The following ACO2 variants were observed in gnomAD, a reference collection of about 807,000 sequenced individuals.
ACO2 encodes the protein aconitase 2, also known as aconitate hydratase, mitochondrial.
ACO2 carries 31 observed loss-of-function variants against 84.5 expected under a neutral mutation model. The observed-to-expected ratio is 0.37, with a 90% CI of 0.28 to 0.50. The LOEUF is 0.50. Ranked by LOEUF, ACO2 falls within the 20% of genes least tolerant of loss-of-function variation. The pLI, the probability that ACO2 is intolerant of heterozygous loss-of-function variation, is 0.97. For missense variants in ACO2, 685 were observed against 1,029.3 expected (o/e 0.67, Z 4.58); for synonymous variants, 414 against 412.7 (o/e 1.00, Z -0.04).
chr22:41,478,622 T>C (rs2038048186), intron 1 of ACO2, among the ~76,000 whole-genome samples: 1 of 152,166 alleles, frequency 6.6e-6, no homozygotes, highest in Non-Finnish European at 1.5e-5. Flanking sequence ...AATTGAGGCC[T>C]GGTGAGTATT....
intron 1 of ACO2, among the ~76,000 whole-genome samples, chr22:41,473,815 T>C (rs1175233829): frequency 6.6e-6 from 1 of 152,136 alleles, no homozygotes; most frequent in East Asian, 1.9e-4. Flanking sequence ...AGAAGGAGCA[T>C]GTGCAGAGCA....
At chr22:41,520,343 C>CA in intron 9 of ACO2, 67 bp downstream of exon 9, 1 of 1,296,266 alleles carries the variant, frequency 7.7e-7, no homozygotes, top group Non-Finnish European at 1.1e-6. Flanking sequence ...GGGCTGTAGA[C>CA]AATCACCTAT....
chr22:41,526,241 C>CCTCTCTA lies in ACO2; in HGVS notation c.1762-18_1762-12dup, dbSNP rs758197748. Reference sequence around the variant, plus strand: ...TCCAGGGCCATGCCCTGACCTCTGTCCTCTCTACTTACCACCCAAGGTCAA... The same window carrying CCTCTCTA: ...TCCAGGGCCATGCCCTGACCTCTGTCCTCTCTACTCTCTACTTACCACCCAAGGTCAA... On this transcript the variant is annotated intron_variant, in intron 14 of 17. Coordinates refer to ENST00000216254, the MANE Select transcript of ACO2 (RefSeq NM_001098.3). The CCTCTCTA allele has an allele frequency of 6.8e-5, 110 of 1,606,788 alleles. No individual in the cohort carries two copies. The Middle Eastern group carries it at 2.2e-3, about 33-fold the overall frequency.
chr22:41,526,464 G>C lies in ACO2; in HGVS notation c.1953+11G>C. On this transcript the variant is annotated intron_variant, in intron 15 of 17. Transcript: ENST00000216254. ...GCCCGCTACTACAAGGTGGGTCAGAGTTGATAGGGGCAATGCCAGTGGTCA... is the reference window on the plus strand; with the variant it reads ...GCCCGCTACTACAAGGTGGGTCAGACTTGATAGGGGCAATGCCAGTGGTCA... The C allele has an allele frequency of 6.2e-7, 1 of 1,607,260 alleles. No homozygotes were observed. The highest frequency in any genetic ancestry group is 8.5e-7 in the Non-Finnish European group (1 of 1,175,470).
At chr22:41,527,204 T>TGGGTGAGGCCAGGC in intron 15 of ACO2, 84 bp from the exon 16 acceptor site, 1 of 1,597,334 alleles carries the variant, frequency 6.3e-7, no homozygotes. Flanking sequence ...AGGCGCCAGG[T>TGGGTGAGGCCAGGC]GGGTGAGGCC....
At chr22:41,491,372 A>G (rs775202291) in intron 1 of ACO2, among the ~76,000 whole-genome samples, 8 of 152,290 alleles carry the variant, frequency 5.3e-5, no homozygotes, top group East Asian at 1.9e-4. Flanking sequence ...ACAAATTACA[A>G]ATAATCTGGA....
chr22:41,523,201 G>A lies in ACO2; in HGVS notation c.1297-4G>A. 1 of 1,611,050 alleles carries A rather than the reference G, an allele frequency of 6.2e-7. No homozygotes were observed. The highest frequency in any genetic ancestry group is 8.5e-7 in the Non-Finnish European group (1 of 1,178,242). ...GACATTCTGTCTTCCTCTCTCCCTGGCAGGCACAGATCTTGAGGGATCTGG... is the reference window on the plus strand; with the variant it reads ...GACATTCTGTCTTCCTCTCTCCCTGACAGGCACAGATCTTGAGGGATCTGG... On this transcript the variant is annotated splice_polypyrimidine_tract_variant and splice_region_variant and intron_variant, in intron 10 of 17. Transcript: ENST00000216254.
At chr22:41,509,202 A>C (rs1389219607) in intron 3 of ACO2, among the ~76,000 whole-genome samples, 1 of 152,108 alleles carries the variant, frequency 6.6e-6, no homozygotes, top group African/African-American at 2.4e-5. Flanking sequence ...CAGGGCTGCT[A>C]CCTTCTGGGG....
At chr22:41,472,267 C>T (rs1362524553) in intron 1 of ACO2, among the ~76,000 whole-genome samples, 1 of 151,938 alleles carries the variant, frequency 6.6e-6, no homozygotes, top group Non-Finnish European at 1.5e-5. Flanking sequence ...GCAGAAGAAT[C>T]CCTTGAACCC....
chr22:41,524,216 G>A (rs57902769), intron 12 of ACO2, among the ~76,000 whole-genome samples: 5 of 152,180 alleles, frequency 3.3e-5, no homozygotes, highest in African/African-American at 1.2e-4. Flanking sequence ...CCTCTAACTC[G>A]CTGTATGAGT....
intron 3 of ACO2, 56 bp from the exon 4 acceptor site, chr22:41,511,820 G>A: frequency 1.4e-6 from 2 of 1,392,226 alleles, no homozygotes; most frequent in South Asian, 2.6e-5. Context: ...GCTTGGTGAG[G>A]GTCACCTGGA....
At chr22:41,489,523 T>G (rs772638119) in intron 1 of ACO2, among the ~76,000 whole-genome samples, 1 of 152,202 alleles carries the variant, frequency 6.6e-6, no homozygotes, top group African/African-American at 2.4e-5. Flanking sequence ...CAGCACTTTC[T>G]TCCCCATGAC....
chr22:41,503,108 A>T (rs1483394771), intron 2 of ACO2, among the ~76,000 whole-genome samples: 1 of 152,206 alleles, frequency 6.6e-6, no homozygotes, highest in African/African-American at 2.4e-5. Flanking sequence ...TTTGCATTAA[A>T]CAATTAATAA....
chr22:41,476,783 G>A (rs907014141), intron 1 of ACO2, among the ~76,000 whole-genome samples: 20 of 152,138 alleles, frequency 1.3e-4, no homozygotes, highest in African/African-American at 4.3e-4. Flanking sequence ...TTAGGAATAG[G>A]CCATTTCTAA....
chr22:41,523,326 A>G lies in ACO2; in HGVS notation c.1370+48A>G, dbSNP rs12484694. The G allele has an allele frequency of 0.21, 305,558 of 1,458,664 alleles. 36,637 individuals carry two copies. The highest frequency in any genetic ancestry group is 0.5 in the Admixed American group (25,991 of 52,196). The allele number at this position is 1,458,664 out of a possible 1,614,324, so 90.4% of individuals were successfully genotyped here. ...AGACAGCCCCTTGTGCACAGGGTAC[A>G]GAGCCCCAGAAGTTGGAGGGGGAAT... On this transcript the variant is annotated intron_variant, in intron 11 of 17. Transcript: ENST00000216254.
intron 7 of ACO2, among the ~76,000 whole-genome samples, chr22:41,517,920 C>G (rs1335934445): frequency 5.3e-5 from 8 of 152,230 alleles, no homozygotes; most frequent in Admixed American, 5.2e-4. Context: ...CCTTCTCGGC[C>G]TGGTCCCTGC....
Position 41,528,176 on chromosome 22 carries a change from G to A in ACO2, c.2208+154G>A, listed in dbSNP as rs1475242980. The A allele has an allele frequency of 6.5e-6, 8 of 1,237,834 alleles. No homozygotes were observed. In the East Asian group the frequency reaches 7.2e-5, roughly 11 times the overall value. 76.7% of individuals were successfully genotyped at this position (1,237,834 alleles called of 1,614,324 possible). On this transcript the variant is annotated intron_variant, in intron 17 of 17. Transcript: ENST00000216254. ...GGTGGCCCCACAGAGAAAGCAAAGT[G>A]GCTTCTCAGAGTTGGGGGTTGGAGT... is the stretch of plus-strand genomic sequence containing the variant.
intron 9 of ACO2, chr22:41,521,584 G>C (rs1184444979): frequency 6.6e-6 from 1 of 152,214 alleles, no homozygotes; most frequent in Non-Finnish European, 1.5e-5. Flanking sequence ...GTCTGGAGAA[G>C]TGACAATATG....
chr22:41,471,988 C>T (rs2037951575), intron 1 of ACO2, among the ~76,000 whole-genome samples: 1 of 152,186 alleles, frequency 6.6e-6, no homozygotes, highest in Admixed American at 6.5e-5. Flanking sequence ...AATAGTATGT[C>T]TGTTTCAATC....
Sources: allele counts gnomAD v4.1 joint callset (sites outside exome capture counted in the v4.1 genomes callset), GRCh38; gene constraint gnomAD v4.1.1; transcripts MANE v1.5; gene names NCBI Gene and HGNC (gene_info 2026-07-23, HGNC 2026-07-21).